Variants in IL21R observed in about 807,000 individuals in gnomAD.
IL21R encodes the protein interleukin 21 receptor.
Under a neutral mutation model 41.3 loss-of-function variants are expected in IL21R, and 14 were observed. The ratio of observed to expected loss-of-function variants is 0.34; its 90% CI spans 0.22 to 0.53. The LOEUF is 0.53. Among genes scored for constraint, IL21R ranks in the 20% least tolerant of loss-of-function variants. The pLI is 0.94. For synonymous variants in IL21R, 286 were observed against 287.6 expected (o/e 0.99, Z 0.05); for missense variants, 588 against 681.6 (o/e 0.86, Z 1.53).
At chr16:27,445,883 G>A (rs947092336) in intron 7 of IL21R, 124 bp from the exon 8 acceptor site, 2 of 604,130 alleles carry the variant, frequency 3.3e-6, no homozygotes, top group Non-Finnish European at 2.8e-6. Flanking sequence ...GAAGGAGGGA[G>A]GCGCCTGGGC....
intron 1 of IL21R, among the ~76,000 whole-genome samples, chr16:27,404,451 G>A (rs562730957): frequency 1.3e-5 from 2 of 152,306 alleles, no homozygotes; most frequent in African/African-American, 4.8e-5. Flanking sequence ...GATACCAGAG[G>A]AGGAGGCCCA....
At chr16:27,444,811 G>T in intron 6 of IL21R, 92 bp downstream of exon 6, 1 of 1,199,630 alleles carries the variant, frequency 8.3e-7, no homozygotes. Context: ...TGGCACAGCT[G>T]GGAGGTATTC....
At chr16:27,440,286 A>G (rs3093354) in intron 4 of IL21R, among the ~76,000 whole-genome samples, 30,607 of 104,228 alleles carry the variant, frequency 0.29, 4,446 homozygotes, top group African/African-American at 0.36. Flanking sequence ...GAGAGCGAGC[A>G]AGCGCGCGCC....
intron 2 of IL21R, 67 bp downstream of exon 2, chr16:27,430,187 C>T: frequency 2.1e-6 from 3 of 1,415,934 alleles, no homozygotes; most frequent in Non-Finnish European, 2.9e-6. Flanking sequence ...CAGGGCCGGG[C>T]TGGCTTTCTG....
chr16:27,442,895 T>G, intron 4 of IL21R, 67 bp from the exon 5 acceptor site: 1 of 1,454,452 alleles, frequency 6.9e-7, no homozygotes, highest in Non-Finnish European at 9.4e-7. Context: ...CTTCCTCCCA[T>G]CACCAAATCC....
Position 27,450,420 on chromosome 16 carries a change from C to G in IL21R, c.*1137C>G, listed in dbSNP as rs567043052. On this transcript the variant is annotated 3_prime_UTR_variant, in exon 9 of 9. Transcript: ENST00000337929. Reference sequence around the variant, plus strand: ...CTCCGGCCACACATCCTGCTGGGCCCCCTACCCTGCCCCAATTCAATCCTG... The same window carrying G: ...CTCCGGCCACACATCCTGCTGGGCCGCCTACCCTGCCCCAATTCAATCCTG... 2.6e-5 allele frequency: 6 copies of G among 231,658 alleles called. No individual in the cohort carries two copies. The Admixed American group carries it at 3.4e-4, about 13-fold the overall frequency. The allele number at this position is 231,658 out of a possible 1,614,324, so 14.4% of individuals were successfully genotyped here.
chr16:27,443,689 A>G (rs1313585135), intron 5 of IL21R, among the ~76,000 whole-genome samples: 3 of 151,998 alleles, frequency 2.0e-5, no homozygotes. Flanking sequence ...AGGCTTAGGC[A>G]GGAGAATCAC....
intron 2 of IL21R, among the ~76,000 whole-genome samples, chr16:27,432,850 GGGGA>G (rs1472385321): frequency 1.3e-5 from 2 of 152,210 alleles, no homozygotes; most frequent in South Asian, 2.1e-4. Flanking sequence ...GTCACACCTA[GGGGA>G]GGGAGTGCTG....
chr16:27,440,740 G>T (rs1039782294), intron 4 of IL21R, among the ~76,000 whole-genome samples: 2 of 152,160 alleles, frequency 1.3e-5, no homozygotes, highest in African/African-American at 4.8e-5. Flanking sequence ...CAGAGTGTTA[G>T]ATGGTGGCAG....
intron 1 of IL21R, among the ~76,000 whole-genome samples, chr16:27,427,625 G>A (rs1340992903): frequency 6.6e-6 from 1 of 152,160 alleles, no homozygotes; most frequent in Admixed American, 6.5e-5. Context: ...AGCTGGAGAT[G>A]AGGAATATTG....
At chr16:27,440,248 T>TATATATATATATATATAGAGAGAGAGAG (rs1352160946) in intron 4 of IL21R, among the ~76,000 whole-genome samples, 1 of 64,042 alleles carries the variant, frequency 1.6e-5, no homozygotes, top group Non-Finnish European at 2.7e-5. Context: ...TATATATATA[T>TATATATATATATATATAGAGAGAGAGAG]AGAGAGAGAG....
At chr16:27,411,292 T>G (rs920341460) in intron 1 of IL21R, among the ~76,000 whole-genome samples, 1 of 152,016 alleles carries the variant, frequency 6.6e-6, no homozygotes, top group Non-Finnish European at 1.5e-5. Flanking sequence ...ATTTGTTCTT[T>G]TCTTTTTTTT....
chr16:27,439,574 C>T (rs1241919850), intron 4 of IL21R, among the ~76,000 whole-genome samples: 3 of 151,972 alleles, frequency 2.0e-5, no homozygotes, highest in African/African-American at 7.3e-5. Context: ...CACACGGGCA[C>T]ACATATGCAC....
Position 27,405,725 on chromosome 16 carries a change from C to T in IL21R, c.-17+3107C>T, listed in dbSNP as rs576505169. The stretch of plus-strand genomic sequence containing the variant: ...CACCCCTGGCTCACAGGTGCCACCG[C>T]CCCCACTCCCTGCCCTGGCCCCAGG... On this transcript the variant is annotated intron_variant, in intron 1 of 8. Coordinates refer to ENST00000337929, the MANE Select transcript of IL21R (RefSeq NM_181078.3). Among the ~76,000 whole-genome samples the T allele has an allele frequency of 2.0e-5, 3 of 152,276 alleles. No homozygotes were observed. The South Asian group carries it at 6.2e-4, about 32-fold the overall frequency.
chr16:27,408,416 C>T (rs941641927), intron 1 of IL21R, among the ~76,000 whole-genome samples: 4 of 152,142 alleles, frequency 2.6e-5, no homozygotes, highest in African/African-American at 4.8e-5. Flanking sequence ...GGCTAGATCC[C>T]GAAATGCCTT....
In IL21R at chr16:27,446,023, T is replaced by C. The variant is rs2087470938; in HGVS notation, c.802T>C (p.Trp268Arg). The C allele has an allele frequency of 1.2e-6, 2 of 1,612,962 alleles. No individual in the cohort carries two copies. The highest frequency in any genetic ancestry group is 1.7e-5 in the Admixed American group (1 of 59,896). The change falls in exon 8 of 9, where the codon TGG (tryptophan) becomes CGG (arginine). Residue 268 changes from tryptophan (W) to arginine (R), a missense_variant. Trp to Arg is a moderately radical substitution (Grantham distance 101). Transcript: ENST00000337929. ...HPLWRLWKKI[W>R]AVPSPERFFM... The stretch of plus-strand genomic sequence containing the variant: ...CCCCCTCAGGCTATGGAAGAAGATA[T>C]GGGCCGTCCCCAGCCCTGAGCGGTT...
intron 5 of IL21R, among the ~76,000 whole-genome samples, chr16:27,444,186 C>G (rs769403838): frequency 1.3e-5 from 2 of 151,476 alleles, no homozygotes; most frequent in Non-Finnish European, 2.9e-5. Context: ...TGAGAATGTC[C>G]TCAACTGTTG....
chr16:27,450,638 G>A lies in IL21R; in HGVS notation c.*1355G>A, dbSNP rs1480243437. The A allele has an allele frequency of 1.9e-5, 4 of 215,720 alleles. No homozygotes were observed. The allele number at this position is 215,720 out of a possible 1,614,324, so 13.4% of individuals were successfully genotyped here. ...TCACTCTCGTCGCCCAGGCTGGAAT[G>A]CAGTGGTGCGATCTCGGCTCTCTGC... is the stretch of plus-strand genomic sequence containing the variant. On this transcript the variant is annotated 3_prime_UTR_variant, in exon 9 of 9. Coordinates refer to ENST00000337929, the MANE Select transcript of IL21R (RefSeq NM_181078.3).
chr16:27,416,659 C>T (rs187417083), intron 1 of IL21R, among the ~76,000 whole-genome samples: 1 of 152,316 alleles, frequency 6.6e-6, no homozygotes, highest in East Asian at 1.9e-4. Context: ...ATTCACAAAA[C>T]TGAAAATGTA....
Sources: gnomAD v4.1 joint callset for allele counts (sites outside exome capture counted in the v4.1 genomes callset) on GRCh38, gnomAD v4.1.1 for gene constraint, MANE v1.5 for transcripts, NCBI Gene and HGNC (gene_info 2026-07-23, HGNC 2026-07-21) for gene names.